ARHGAP15: variants seen among roughly 807,000 people sequenced by gnomAD.
ARHGAP15 encodes the protein Rho GTPase activating protein 15.
Under a neutral mutation model 63.7 loss-of-function variants are expected in ARHGAP15, and 51 were observed. The ratio of observed to expected loss-of-function variants is 0.80; its 90% CI spans 0.64 to 1.01. The LOEUF is 1.01. Among genes scored for constraint, ARHGAP15 ranks in the 50% least tolerant of loss-of-function variants. ARHGAP15 has a pLI of 0.00. For synonymous variants in ARHGAP15, 191 were observed against 193.8 expected (o/e 0.99, Z 0.12); for missense variants, 560 against 564.6 (o/e 0.99, Z 0.08).
chr2:143,571,209 T>G (rs755038886), intron 11 of ARHGAP15, among the ~76,000 whole-genome samples: 25 of 152,180 alleles, frequency 1.6e-4, no homozygotes, highest in Non-Finnish European at 3.4e-4. Flanking sequence ...TGATTCTACA[T>G]TATGGTGAGC....
At chr2:143,733,129 G>A (rs146826952) in intron 13 of ARHGAP15, among the ~76,000 whole-genome samples, 1 of 152,170 alleles carries the variant, frequency 6.6e-6, no homozygotes, top group East Asian at 1.9e-4. Flanking sequence ...CTCAGTTCAT[G>A]GGAACAAACT....
chr2:143,264,376 C>T (rs1240201715), intron 6 of ARHGAP15, among the ~76,000 whole-genome samples: 1 of 152,092 alleles, frequency 6.6e-6, no homozygotes, highest in Non-Finnish European at 1.5e-5. Context: ...ACCTTAAAGA[C>T]TTTCATTGTG....
At chr2:143,418,902 G>C (rs1035380738) in intron 6 of ARHGAP15, among the ~76,000 whole-genome samples, 1 of 152,176 alleles carries the variant, frequency 6.6e-6, no homozygotes, top group Non-Finnish European at 1.5e-5. Flanking sequence ...TTGTATCGAA[G>C]ATTTGCTTTG....
At chr2:143,397,095 T>C (rs571420389) in intron 6 of ARHGAP15, among the ~76,000 whole-genome samples, 31 of 152,234 alleles carry the variant, frequency 2.0e-4, no homozygotes, top group Admixed American at 3.9e-4. Flanking sequence ...CACAGACTCC[T>C]CTTTGCCAGT....
intron 8 of ARHGAP15, among the ~76,000 whole-genome samples, chr2:143,461,899 T>G (rs1421736814): frequency 2.0e-5 from 3 of 152,192 alleles, no homozygotes; most frequent in Non-Finnish European, 4.4e-5. Flanking sequence ...CCTGCTGCTG[T>G]GGCTCATGCC....
chr2:143,608,488 T>C (rs1698126729), intron 11 of ARHGAP15: 1 of 152,222 alleles, frequency 6.6e-6, no homozygotes, highest in Non-Finnish European at 1.5e-5. Flanking sequence ...TGAATATAAT[T>C]AATTATGTAA....
At chr2:143,554,264 T>C (rs1197541562) in intron 10 of ARHGAP15, among the ~76,000 whole-genome samples, 2 of 152,168 alleles carry the variant, frequency 1.3e-5, no homozygotes, top group African/African-American at 2.4e-5. Context: ...TGATAATCCA[T>C]GGGAAAATAA....
chr2:143,221,022 T>C (rs1692974680), intron 4 of ARHGAP15, among the ~76,000 whole-genome samples: 1 of 152,152 alleles, frequency 6.6e-6, no homozygotes, highest in Non-Finnish European at 1.5e-5. Context: ...CCCTGACCTC[T>C]GCTTGAAACA....
intron 12 of ARHGAP15, among the ~76,000 whole-genome samples, chr2:143,680,672 A>T (rs776127240): frequency 6.6e-6 from 1 of 152,248 alleles, no homozygotes; most frequent in Non-Finnish European, 1.5e-5. Flanking sequence ...AGGTGGTTTC[A>T]CCAGAGAGAC....
intron 6 of ARHGAP15, among the ~76,000 whole-genome samples, chr2:143,372,215 G>A (rs1288944508): frequency 2.6e-5 from 4 of 151,598 alleles, no homozygotes; most frequent in African/African-American, 9.7e-5. Context: ...GGTGACACGT[G>A]CCTGTAATCC....
At chr2:143,306,731 GT>G (rs1683189930) in intron 6 of ARHGAP15, among the ~76,000 whole-genome samples, 1 of 152,086 alleles carries the variant, frequency 6.6e-6, no homozygotes, top group Admixed American at 6.6e-5. Flanking sequence ...GAAGGATTTT[GT>G]TTTCCTCAGT....
chr2:143,673,749 T>TATATATATATATAC (rs1682661901), intron 12 of ARHGAP15, among the ~76,000 whole-genome samples: 1 of 68,526 alleles, frequency 1.5e-5, no homozygotes, highest in Non-Finnish European at 3.6e-5. Flanking sequence ...TGTGTGTGTG[T>TATATATATATATAC]GTGTGTGTGT....
intron 11 of ARHGAP15, chr2:143,587,863 A>G (rs115755222): frequency 1.3e-3 from 475 of 378,306 alleles, no homozygotes; most frequent in South Asian, 1.9e-3. Flanking sequence ...CCTAGTATTG[A>G]GTGATAGAAG....
At chr2:143,334,449 A>AT (rs1398859848) in intron 6 of ARHGAP15, among the ~76,000 whole-genome samples, 1 of 152,052 alleles carries the variant, frequency 6.6e-6, no homozygotes, top group Non-Finnish European at 1.5e-5. Flanking sequence ...ATATGTGTCC[A>AT]TTTTTTTCTA....
chr2:143,254,562 A>G (rs1245511632), intron 6 of ARHGAP15, among the ~76,000 whole-genome samples: 1 of 152,064 alleles, frequency 6.6e-6, no homozygotes, highest in Non-Finnish European at 1.5e-5. Flanking sequence ...GCTATCAAAT[A>G]GACAACTGAT....
At chr2:143,211,304 A>C (rs1230649007) in intron 3 of ARHGAP15, among the ~76,000 whole-genome samples, 1 of 139,214 alleles carries the variant, frequency 7.2e-6, no homozygotes, top group Non-Finnish European at 1.5e-5. Flanking sequence ...AAGACAGATA[A>C]GGTAGATATT....
At chr2:143,138,512 A>T (rs988394209) in intron 1 of ARHGAP15, among the ~76,000 whole-genome samples, 3 of 152,174 alleles carry the variant, frequency 2.0e-5, no homozygotes, top group Non-Finnish European at 4.4e-5. Flanking sequence ...ATCTGTAGGA[A>T]ACCTGTTGTT....
At chr2:143,610,631 G>A (rs1165311263) in intron 11 of ARHGAP15, among the ~76,000 whole-genome samples, 1 of 152,294 alleles carries the variant, frequency 6.6e-6, no homozygotes, top group African/African-American at 2.4e-5. Context: ...GTACGGCATT[G>A]TAATTGTTAT....
At chr2:143,183,530 A>G (rs1338286310) in intron 2 of ARHGAP15, among the ~76,000 whole-genome samples, 1 of 152,192 alleles carries the variant, frequency 6.6e-6, no homozygotes, top group East Asian at 1.9e-4. Flanking sequence ...TCTTTTAAAA[A>G]TGATTAAGTA....
Sources: gnomAD v4.1 joint callset for allele counts (sites outside exome capture counted in the v4.1 genomes callset) on GRCh38, gnomAD v4.1.1 for gene constraint, MANE v1.5 for transcripts, NCBI Gene and HGNC (gene_info 2026-07-23, HGNC 2026-07-21) for gene names.